Variants in CACNA1D observed in about 807,000 individuals in gnomAD.
CACNA1D encodes voltage-dependent L-type calcium channel subunit alpha-1D.
CACNA1D carries 55 observed loss-of-function variants against 257.1 expected under a neutral mutation model. The observed-to-expected ratio is 0.21, with a 90% CI of 0.17 to 0.27. The LOEUF (loss-of-function observed/expected upper bound fraction) is 0.27, where lower values mean the gene tolerates loss of function less well. CACNA1D is among the 10% of genes least tolerant of loss of function. The pLI is 1.00. For synonymous variants in CACNA1D, 980 were observed against 1,014.9 expected (o/e 0.97, Z 0.65); for missense variants, 1,876 against 2,784.0 (o/e 0.67, Z 7.34).
rs34272886 is a variant in CACNA1D at position 53,500,432 on chromosome 3, C to CA, written c.378-1165dup. Among the ~76,000 whole-genome samples the CA allele has an allele frequency of 8.9e-3, 1,001 of 112,896 alleles. 10 individuals carry two copies. The highest frequency in any genetic ancestry group is 0.028 in the African/African-American group (845 of 29,738). 74.1% of individuals were successfully genotyped at this position (112,896 alleles called of 152,430 possible). On this transcript the variant is annotated intron_variant, in intron 2 of 47. Coordinates refer to ENST00000350061, the MANE Select transcript of CACNA1D (RefSeq NM_001128840.3). Reference sequence around the variant, plus strand: ...CCTTGGTGACAGTGAGACCCCATCTCAAAAAAAAAAAAAAAAAATGATATC... The same window carrying CA: ...CCTTGGTGACAGTGAGACCCCATCTCAAAAAAAAAAAAAAAAAAATGATATC...
rs1414419058 is a variant in CACNA1D at position 53,800,640 on chromosome 3, G to A, written c.5040+275G>A. 4 of 524,104 alleles carry A rather than the reference G, an allele frequency of 7.6e-6. No homozygotes were observed. The highest frequency in any genetic ancestry group is 7.6e-5 in the African/African-American group (4 of 52,474). 32.5% of individuals were successfully genotyped at this position (524,104 alleles called of 1,614,324 possible). ...GGCCACAGCCGCTGGCCCTGTGGAT[G>A]AGCATCCTGAGTCCTTCCGGCAGCT... On this transcript the variant is annotated intron_variant, in intron 41 of 47. Transcript: ENST00000350061. The surrounding 1 kb of genome is among the most constrained non-coding windows in gnomAD (Gnocchi z 4.3).
chr3:53,787,072 GATACTACACAC>G (rs1166867019), intron 40 of CACNA1D, 120 bp downstream of exon 40: 1 of 1,015,966 alleles, frequency 9.8e-7, no homozygotes. Flanking sequence ...TTTAAACTGA[GATACTACACAC>G]TCCCCCAAAT....
chr3:53,590,527 C>A (rs1003286481), intron 3 of CACNA1D, among the ~76,000 whole-genome samples: 2 of 152,200 alleles, frequency 1.3e-5, no homozygotes, highest in Non-Finnish European at 2.9e-5. Flanking sequence ...TGCCATTGCC[C>A]AGACTGTCTC....
rs1334891576 is a variant in CACNA1D, at chr3:53,776,698, A to G, written c.4458A>G (p.Lys1486=). 6.2e-7 allele frequency: 1 copy of G among 1,614,210 alleles called. No individual in the cohort carries two copies. The highest frequency in any genetic ancestry group is 1.3e-5 in the African/African-American group (1 of 75,068). The stretch of plus-strand genomic sequence containing the variant: ...GGCCTCACCATTTAGATGAATTCAA[A>G]AGAATATGGTCAGAATATGACCCTG... ...ILGPHHLDEF[K]RIWSEYDPEA... The change falls in exon 36 of 48, where the codon AAA becomes AAG. Residue 1486 remains lysine (K), a synonymous_variant. Transcript: ENST00000350061.
intron 8 of CACNA1D, among the ~76,000 whole-genome samples, chr3:53,678,157 AG>A (rs2094394297): frequency 6.6e-6 from 1 of 152,254 alleles, no homozygotes; most frequent in Non-Finnish European, 1.5e-5. Context: ...TAATGACATA[AG>A]CTACTGCTGA....
intron 3 of CACNA1D, among the ~76,000 whole-genome samples, chr3:53,518,006 CTTTGT>C (rs2091411232): frequency 1.3e-5 from 2 of 152,218 alleles, no homozygotes; most frequent in South Asian, 4.1e-4. Context: ...CTAAATCTGT[CTTTGT>C]TTTGTCTGAT....
At chr3:53,517,955 G>A (rs2091409352) in intron 3 of CACNA1D, among the ~76,000 whole-genome samples, 2 of 152,240 alleles carry the variant, frequency 1.3e-5, no homozygotes, top group South Asian at 4.1e-4. Flanking sequence ...TTTTAAGTGT[G>A]AGCTTAATAT....
intron 29 of CACNA1D, among the ~76,000 whole-genome samples, chr3:53,756,267 G>T (rs1236261862): frequency 3.9e-5 from 6 of 152,334 alleles, no homozygotes; most frequent in African/African-American, 1.4e-4. Context: ...GCTTGATGGA[G>T]AAACTGGGCC....
At chr3:53,620,808 T>C (rs528161541) in intron 3 of CACNA1D, among the ~76,000 whole-genome samples, 1 of 152,236 alleles carries the variant, frequency 6.6e-6, no homozygotes, top group Admixed American at 6.5e-5. Context: ...TATTTTGGGG[T>C]GACTTATGAC....
In CACNA1D at chr3:53,668,349, A is replaced by C. The variant is rs185006200; in HGVS notation, c.1116+1814A>C. On this transcript the variant is annotated intron_variant, in intron 7 of 47. Coordinates refer to ENST00000350061, the MANE Select transcript of CACNA1D (RefSeq NM_001128840.3). The stretch of plus-strand genomic sequence containing the variant: ...GGAGTAGATGATTAAAGGAGAGGGA[A>C]CTTCAGGCTCCTAGAAGCAAAAGTT... Among the ~76,000 whole-genome samples, 3 of 152,258 alleles carry C rather than the reference A, an allele frequency of 2.0e-5. No individual in the cohort carries two copies. In the East Asian group the frequency reaches 5.8e-4, roughly 29 times the overall value.
intron 3 of CACNA1D, among the ~76,000 whole-genome samples, chr3:53,546,670 T>C (rs2092420641): frequency 6.6e-6 from 1 of 152,214 alleles, no homozygotes. Flanking sequence ...TGCTTGAATG[T>C]TGAAAGTTTT....
intron 10 of CACNA1D, 98 bp from the exon 11 acceptor site, chr3:53,719,657 T>C (rs902075524): frequency 1.8e-5 from 20 of 1,084,562 alleles, no homozygotes; most frequent in East Asian, 2.4e-5. Context: ...AAGTCCAGGC[T>C]GTATGCATGG....
At chr3:53,762,943 C>T (rs1173059910) in intron 30 of CACNA1D, among the ~76,000 whole-genome samples, 1 of 152,224 alleles carries the variant, frequency 6.6e-6, no homozygotes, top group Non-Finnish European at 1.5e-5. Context: ...ACTCACCAGT[C>T]GTGTGACCGT....
chr3:53,684,464 A>G (rs2108485925), intron 8 of CACNA1D, among the ~76,000 whole-genome samples: 1 of 152,246 alleles, frequency 6.6e-6, no homozygotes, highest in Admixed American at 6.5e-5. Context: ...TCTACTAAAA[A>G]TACAAAAAAT....
intron 3 of CACNA1D, among the ~76,000 whole-genome samples, chr3:53,520,030 T>G (rs2091488872): frequency 6.6e-6 from 1 of 152,244 alleles, no homozygotes; most frequent in African/African-American, 2.4e-5. Flanking sequence ...ATACCACATT[T>G]ATTTATCTCT....
chr3:53,744,996 ATTATTAT>A (rs2095153997), intron 23 of CACNA1D, among the ~76,000 whole-genome samples, 169 bp downstream of exon 23: 1 of 152,166 alleles, frequency 6.6e-6, no homozygotes, highest in Non-Finnish European at 1.5e-5. Context: ...CATTTTAAAA[ATTATTAT>A]TTATTGTCTT....
chr3:53,547,977 A>C (rs1019727892), intron 3 of CACNA1D, among the ~76,000 whole-genome samples: 7 of 152,172 alleles, frequency 4.6e-5, no homozygotes, highest in African/African-American at 1.7e-4. Flanking sequence ...ACAGCTCCAG[A>C]AGAGTGGCAC....
intron 6 of CACNA1D, among the ~76,000 whole-genome samples, 199 bp downstream of exon 6, chr3:53,666,011 C>T (rs2094258219): frequency 6.6e-6 from 1 of 152,102 alleles, no homozygotes; most frequent in South Asian, 2.1e-4. Context: ...CCCCGATTTC[C>T]TGTGTAATGT....
rs189074807 is a variant in CACNA1D, at chr3:53,593,627, G to C, written c.484-57152G>C. 2.8e-3 allele frequency among the ~76,000 whole-genome samples: 421 copies of C among 152,256 alleles called. 2 individuals are homozygous for C. The highest frequency in any genetic ancestry group is 8.1e-3 in the African/African-American group (337 of 41,534). On this transcript the variant is annotated intron_variant, in intron 3 of 47. Transcript: ENST00000350061. ...GTAAAATTATCAGGAAATCCCTCTTGGTGTTGAAGTCATGAGCAGGTGCAG... is the reference window on the plus strand; with the variant it reads ...GTAAAATTATCAGGAAATCCCTCTTCGTGTTGAAGTCATGAGCAGGTGCAG...
Sources: allele counts gnomAD v4.1 joint callset (sites outside exome capture counted in the v4.1 genomes callset), GRCh38; gene constraint gnomAD v4.1.1; non-coding constraint Gnocchi (gnomAD v3.1); transcripts MANE v1.5; gene names NCBI Gene and HGNC (gene_info 2026-07-23, HGNC 2026-07-21).